DAB1: variants seen among roughly 807,000 people sequenced by gnomAD.
DAB1 encodes disabled homolog 1.
A neutral mutation model predicts 64.6 loss-of-function variants in DAB1; 15 were observed. That is an observed-to-expected ratio of 0.23 (90% CI 0.16 to 0.36). DAB1 has a LOEUF of 0.36. DAB1 is among the 10% of genes least tolerant of loss of function. DAB1 has a pLI of 1.00. For missense variants in DAB1, 596 were observed against 706.7 expected, an observed-to-expected ratio of 0.84 and a Z score of 1.78; for synonymous variants, 235 against 251.9, an observed-to-expected ratio of 0.93 and a Z score of 0.64.
At chr1:56,998,485 C>A (rs548252984) in intron 14 of DAB1, among the ~76,000 whole-genome samples, 2 of 152,234 alleles carry the variant, frequency 1.3e-5, no homozygotes, top group East Asian at 3.9e-4. Context: ...GTTTATCCTA[C>A]GGGGTTCTTG....
intron 7 of DAB1, among the ~76,000 whole-genome samples, chr1:57,553,717 C>A (rs1323179293): frequency 6.6e-6 from 1 of 151,958 alleles, no homozygotes; most frequent in Non-Finnish European, 1.5e-5. Flanking sequence ...TCAATAGGAG[C>A]GATGAGCCTA....
chr1:57,121,157 G>GAGGAGAAGGAGGAGA (rs142198999), intron 4 of DAB1, among the ~76,000 whole-genome samples: 89 of 140,894 alleles, frequency 6.3e-4, no homozygotes, highest in African/African-American at 2.0e-3. Context: ...GGAGGAGGAG[G>GAGGAGAAGGAGGAGA]AGGAGGAGAA....
At chr1:57,134,361 G>A (rs927560951) in intron 4 of DAB1, among the ~76,000 whole-genome samples, 2 of 151,912 alleles carry the variant, frequency 1.3e-5, no homozygotes, top group Non-Finnish European at 1.5e-5. Context: ...AAGGTGGGGT[G>A]GATCACCTGA....
chr1:58,202,352 T>C (rs1344128727), intron 4 of DAB1, among the ~76,000 whole-genome samples: 1 of 152,230 alleles, frequency 6.6e-6, no homozygotes, highest in Non-Finnish European at 1.5e-5. Flanking sequence ...ATGATGTAAG[T>C]ATTATTTGCA....
intron 1 of DAB1, among the ~76,000 whole-genome samples, chr1:57,338,730 T>G (rs1289849283): frequency 6.6e-6 from 1 of 152,188 alleles, no homozygotes; most frequent in Non-Finnish European, 1.5e-5. Context: ...GGAAAAACTA[T>G]AGTCTTTGAA....
chr1:57,767,501 T>C (rs574502522), intron 6 of DAB1, among the ~76,000 whole-genome samples: 52 of 152,332 alleles, frequency 3.4e-4, no homozygotes, highest in African/African-American at 1.2e-3. Flanking sequence ...ACTCTCACTA[T>C]GTCTCTTATC....
chr1:57,655,811 C>T (rs1200473351), intron 6 of DAB1, among the ~76,000 whole-genome samples: 1 of 152,094 alleles, frequency 6.6e-6, no homozygotes, highest in Non-Finnish European at 1.5e-5. Context: ...ATTTAAAATG[C>T]TCATATTTGG....
At chr1:58,207,836 A>T (rs1383821656) in intron 4 of DAB1, among the ~76,000 whole-genome samples, 1 of 152,230 alleles carries the variant, frequency 6.6e-6, no homozygotes, top group African/African-American at 2.4e-5. Context: ...CCAAGATCAC[A>T]AAGTTAGTAA....
rs59378470 is a variant in DAB1 at position 57,533,539 on chromosome 1, G to GTATATATATATATATA, written n.625+116037_625+116052dup. The stretch of plus-strand genomic sequence containing the variant: ...AACAAAAATAGAAAATTCATAACAG[G>GTATATATATATATATA]TATATATATATATATATATATATAT... On this transcript the variant is annotated intron_variant and non_coding_transcript_variant, in intron 7 of 20. Coordinates refer to the DAB1 transcript ENST00000485760. Among the ~76,000 whole-genome samples, 195 of 143,688 alleles carry GTATATATATATATATA rather than the reference G, an allele frequency of 1.4e-3. 3 individuals are homozygous for GTATATATATATATATA. Among genetic ancestry groups the GTATATATATATATATA allele is most frequent in the African/African-American group, 4.4e-3 (169 of 38,348 alleles). The allele number at this position is 143,688 out of a possible 152,430, so 94.3% of individuals were successfully genotyped here. A position where few individuals can be genotyped will look rare whatever the true frequency, so the allele number is the denominator to read the frequency against.
At chr1:58,060,675 G>A (rs10443244) in intron 5 of DAB1, among the ~76,000 whole-genome samples, 21,489 of 152,178 alleles carry the variant, frequency 0.14, 1,669 homozygotes, top group East Asian at 0.31. Context: ...CCTGGCCTGA[G>A]AACAGAGAAG....
intron 7 of DAB1, among the ~76,000 whole-genome samples, chr1:57,500,984 A>G (rs1419210601): frequency 6.6e-6 from 1 of 152,234 alleles, no homozygotes; most frequent in African/African-American, 2.4e-5. Flanking sequence ...AAAAATGTTC[A>G]TTGCAGCATA....
intron 6 of DAB1, among the ~76,000 whole-genome samples, chr1:57,718,180 A>C (rs1481478205): frequency 6.6e-6 from 1 of 152,200 alleles, no homozygotes; most frequent in Admixed American, 6.5e-5. Flanking sequence ...CAAAGAAATG[A>C]TAAATATTTA....
At chr1:57,691,254 T>C (rs1013616453) in intron 6 of DAB1, among the ~76,000 whole-genome samples, 1 of 152,074 alleles carries the variant, frequency 6.6e-6, no homozygotes, top group South Asian at 2.1e-4. Context: ...CAGCGCTCTG[T>C]GTCTAGCTAA....
At chr1:57,732,524 A>G (rs78859230) in intron 6 of DAB1, among the ~76,000 whole-genome samples, 3,735 of 152,232 alleles carry the variant, frequency 0.025, 165 homozygotes, top group African/African-American at 0.086. Flanking sequence ...TAAATCCTCA[A>G]CCCTCCACCT....
At chr1:57,551,854 T>C (rs1644917731) in intron 7 of DAB1, among the ~76,000 whole-genome samples, 2 of 152,134 alleles carry the variant, frequency 1.3e-5, no homozygotes, top group Non-Finnish European at 2.9e-5. Flanking sequence ...CCCCAAGACT[T>C]GAAACAGGCA....
intron 5 of DAB1, among the ~76,000 whole-genome samples, chr1:57,898,878 A>ATG (rs1644432129): frequency 6.6e-6 from 1 of 152,130 alleles, no homozygotes. Context: ...GCGTGCGTGT[A>ATG]TGCGCGTGCA....
intron 6 of DAB1, among the ~76,000 whole-genome samples, chr1:57,794,568 A>G (rs1423374059): frequency 6.6e-6 from 1 of 152,178 alleles, no homozygotes; most frequent in African/African-American, 2.4e-5. Context: ...TCTTCTGGAC[A>G]GACCCAGGCA....
intron 3 of DAB1, among the ~76,000 whole-genome samples, chr1:58,366,667 G>C (rs1404170314): frequency 6.6e-6 from 1 of 152,154 alleles, no homozygotes; most frequent in Non-Finnish European, 1.5e-5. Flanking sequence ...TGGAGCTCCC[G>C]ATTCTCCAAG....
intron 5 of DAB1, among the ~76,000 whole-genome samples, chr1:57,954,737 C>G (rs780631010): frequency 3.3e-5 from 5 of 152,140 alleles, no homozygotes; most frequent in Non-Finnish European, 7.4e-5. Flanking sequence ...TCCAACTGAC[C>G]AGGTATGCAG....
Sources: gnomAD v4.1 joint callset for allele counts (sites outside exome capture counted in the v4.1 genomes callset) on GRCh38, gnomAD v4.1.1 for gene constraint, MANE v1.5 for transcripts, NCBI Gene and HGNC (gene_info 2026-07-23, HGNC 2026-07-21) for gene names.